GRIK1: variants seen among roughly 807,000 people sequenced by gnomAD.
The protein encoded by GRIK1 is glutamate ionotropic receptor kainate type subunit 1, also known as glutamate receptor ionotropic, kainate 1.
A neutral mutation model predicts 105.7 loss-of-function variants in GRIK1; 69 were observed. The observed-to-expected ratio is 0.65, with a 90% CI of 0.54 to 0.80. The LOEUF (loss-of-function observed/expected upper bound fraction) is 0.80, where lower values mean the gene tolerates loss of function less well. Among genes scored for constraint, GRIK1 ranks in the 30% least tolerant of loss-of-function variants. The pLI is 0.00. For synonymous variants in GRIK1, 438 were observed against 431.3 expected, an observed-to-expected ratio of 1.02 and a Z score of -0.19; for missense variants, 1,109 against 1,167.3, an observed-to-expected ratio of 0.95 and a Z score of 0.73.
At chr21:29,615,630 A>G (rs363441) in intron 7 of GRIK1, among the ~76,000 whole-genome samples, 1 of 152,154 alleles carries the variant, frequency 6.6e-6, no homozygotes. Flanking sequence ...TTTACAACTA[A>G]CAGGAATAGA....
At chr21:29,654,137 T>C (rs2062798348) in intron 5 of GRIK1, among the ~76,000 whole-genome samples, 1 of 152,184 alleles carries the variant, frequency 6.6e-6, no homozygotes, top group Admixed American at 6.5e-5. Context: ...TGTGAGTGTG[T>C]AGGTGGGGAG....
chr21:29,783,550 T>G (rs1380754861), intron 1 of GRIK1, among the ~76,000 whole-genome samples: 3 of 152,340 alleles, frequency 2.0e-5, no homozygotes, highest in East Asian at 3.9e-4. Flanking sequence ...TTTATTATAG[T>G]CCTTATATGG....
intron 1 of GRIK1, among the ~76,000 whole-genome samples, chr21:29,766,095 C>T (rs952064797): frequency 3.9e-5 from 6 of 152,008 alleles, no homozygotes; most frequent in East Asian, 1.9e-4. Flanking sequence ...GTGATCCGGC[C>T]GCCTTGGCCT....
At chr21:29,886,494 T>A (rs180793043) in intron 1 of GRIK1, among the ~76,000 whole-genome samples, 9 of 152,120 alleles carry the variant, frequency 5.9e-5, no homozygotes, top group Admixed American at 2.6e-4. Context: ...ACACTTATTA[T>A]AAAGATGGAG....
chr21:29,869,172 T>C (rs1399566897), intron 1 of GRIK1, among the ~76,000 whole-genome samples: 1 of 152,236 alleles, frequency 6.6e-6, no homozygotes, highest in Non-Finnish European at 1.5e-5. Context: ...TTCCGACTCC[T>C]GAGTCCACTA....
chr21:29,713,746 C>T (rs909208082), intron 1 of GRIK1, among the ~76,000 whole-genome samples: 6 of 152,136 alleles, frequency 3.9e-5, no homozygotes, highest in Admixed American at 2.6e-4. Context: ...AGGCAAAACA[C>T]TAGAAAAGAT....
intron 1 of GRIK1, among the ~76,000 whole-genome samples, chr21:29,768,368 A>G (rs1011424358): frequency 3.9e-5 from 6 of 152,178 alleles, no homozygotes; most frequent in African/African-American, 1.4e-4. Flanking sequence ...GTCTTTTGAG[A>G]TGGGAATTCT....
chr21:29,765,200 T>G (rs188388039), intron 1 of GRIK1, among the ~76,000 whole-genome samples: 59 of 152,284 alleles, frequency 3.9e-4, no homozygotes, highest in African/African-American at 1.4e-3. Context: ...CTTTATTTCT[T>G]TCTAAGTTAC....
Position 29,654,819 on chromosome 21 carries a change from GA to G in GRIK1, c.770del (p.Phe257SerfsTer19). Reference protein sequence around the residue: ...GMMTEYYHYFFTTLDLFALDL... With the variant: ...GMMTEYYHYFXTTLDLFALDL... ...TCCCAGATGCACTTACCAGGGTTGT[GA>G]AAAAGTAGTGATAGTACTCGGTCAT... On this transcript the variant is annotated frameshift_variant, in exon 5 of 18. Coordinates refer to ENST00000327783, the MANE Select transcript of GRIK1 (RefSeq NM_001330994.2). LOFTEE classifies it high-confidence loss of function. 1 of 1,572,334 alleles carries G rather than the reference GA, an allele frequency of 6.4e-7. No individual in the cohort carries two copies. The highest frequency in any genetic ancestry group is 8.8e-7 in the Non-Finnish European group (1 of 1,141,966).
chr21:29,925,218 T>G (rs1391922466), intron 1 of GRIK1, among the ~76,000 whole-genome samples: 1 of 152,162 alleles, frequency 6.6e-6, no homozygotes, highest in South Asian at 2.1e-4. Flanking sequence ...CAGGATAAAT[T>G]TCTTGCATGG....
At chr21:29,911,640 T>C (rs2070821250) in intron 1 of GRIK1, among the ~76,000 whole-genome samples, 2 of 151,978 alleles carry the variant, frequency 1.3e-5, no homozygotes, top group African/African-American at 4.8e-5. Context: ...TGGGAGGTAA[T>C]ATGGTTTAGG....
At chr21:29,651,332 A>C (rs1333388703) in intron 5 of GRIK1, 41 bp from the exon 6 acceptor site, 5 of 1,347,844 alleles carry the variant, frequency 3.7e-6, no homozygotes, top group Non-Finnish European at 5.2e-6. Flanking sequence ...AAATAATTAG[A>C]ATTTTCATTT....
At chr21:29,789,982 G>A (rs1185380302) in intron 1 of GRIK1, among the ~76,000 whole-genome samples, 3 of 152,186 alleles carry the variant, frequency 2.0e-5, no homozygotes, top group African/African-American at 7.2e-5. Flanking sequence ...AATAAATGAA[G>A]GTTGCTAGAG....
At chr21:29,750,251 T>TCCCG (rs1569046412) in intron 1 of GRIK1, among the ~76,000 whole-genome samples, 1 of 64,978 alleles carries the variant, frequency 1.5e-5, no homozygotes, top group African/African-American at 5.6e-5. Context: ...CCTCCCTCCC[T>TCCCG]CCCTCCCTCC....
At chr21:29,841,167 A>G (rs1339569313) in intron 1 of GRIK1, among the ~76,000 whole-genome samples, 1 of 152,208 alleles carries the variant, frequency 6.6e-6, no homozygotes, top group Non-Finnish European at 1.5e-5. Flanking sequence ...TTGGACAGTG[A>G]GTAATATTTA....
chr21:29,714,597 C>T (rs11910727), intron 1 of GRIK1, among the ~76,000 whole-genome samples: 1,614 of 152,210 alleles, frequency 0.011, 32 homozygotes, highest in African/African-American at 0.037. Flanking sequence ...AGTAGTCTGC[C>T]TACCCAGGCA....
At chr21:29,866,269 T>C (rs1363168621) in intron 1 of GRIK1, among the ~76,000 whole-genome samples, 2 of 152,104 alleles carry the variant, frequency 1.3e-5, no homozygotes, top group Admixed American at 6.6e-5. Flanking sequence ...TAATTTTTTG[T>C]AGAGACAGGG....
intron 1 of GRIK1, among the ~76,000 whole-genome samples, chr21:29,799,413 G>C (rs2066643996): frequency 6.6e-6 from 1 of 152,180 alleles, no homozygotes; most frequent in African/African-American, 2.4e-5. Context: ...TAGGTGACCT[G>C]TCCAGGGACA....
intron 1 of GRIK1, among the ~76,000 whole-genome samples, chr21:29,799,914 A>G (rs918043558): frequency 6.6e-6 from 1 of 152,172 alleles, no homozygotes; most frequent in African/African-American, 2.4e-5. Flanking sequence ...TTAAGGTTAA[A>G]CCATTATTGG....
Sources: allele counts gnomAD v4.1 joint callset (sites outside exome capture counted in the v4.1 genomes callset), GRCh38; gene constraint gnomAD v4.1.1; transcripts MANE v1.5; gene names NCBI Gene and HGNC (gene_info 2026-07-23, HGNC 2026-07-21).